Variants in CRLF3 observed in about 807,000 individuals in gnomAD.
The protein encoded by CRLF3 is cytokine receptor-like factor 3.
Under a neutral mutation model 55.0 loss-of-function variants are expected in CRLF3, and 33 were observed. The ratio of observed to expected loss-of-function variants is 0.60; its 90% CI spans 0.46 to 0.80. The LOEUF (loss-of-function observed/expected upper bound fraction) is 0.80. CRLF3 is among the 30% of genes least tolerant of loss of function. The probability of loss-of-function intolerance (pLI) is 0.00; values close to 1 mark genes in which losing one functional copy is unlikely to be tolerated. For missense variants in CRLF3, 494 were observed against 538.4 expected (o/e 0.92, Z 0.82); for synonymous variants, 238 against 196.8 (o/e 1.21, Z -1.75).
At chr17:30,815,191 T>A (rs138417530) in intron 1 of CRLF3, among the ~76,000 whole-genome samples, 1 of 148,212 alleles carries the variant, frequency 6.7e-6, no homozygotes, top group Non-Finnish European at 1.5e-5. Flanking sequence ...GTTCAAGCAA[T>A]TCTCCTGCCT....
intron 6 of CRLF3, among the ~76,000 whole-genome samples, chr17:30,788,785 T>A (rs1181032557): frequency 6.6e-6 from 1 of 151,540 alleles, no homozygotes; most frequent in Non-Finnish European, 1.5e-5. Context: ...TTTTTGTATT[T>A]ATAGTAGAGA....
chr17:30,802,363 G>A (rs1399611999), intron 2 of CRLF3, among the ~76,000 whole-genome samples: 4 of 151,848 alleles, frequency 2.6e-5, no homozygotes, highest in African/African-American at 4.8e-5. Flanking sequence ...CTGATGATCC[G>A]CCCACCTCCA....
At chr17:30,812,532 T>A (rs1468279407) in intron 1 of CRLF3, among the ~76,000 whole-genome samples, 1 of 152,162 alleles carries the variant, frequency 6.6e-6, no homozygotes, top group Non-Finnish European at 1.5e-5. Flanking sequence ...CACTTAAGAC[T>A]TTTTTAGAAA....
intron 1 of CRLF3, among the ~76,000 whole-genome samples, chr17:30,810,181 C>T (rs1904568677): frequency 6.6e-6 from 1 of 152,174 alleles, no homozygotes; most frequent in South Asian, 2.1e-4. Flanking sequence ...AAACAGGAAA[C>T]TGTAATATAC....
chr17:30,786,215 T>C (rs1971643664), intron 6 of CRLF3, 184 bp from the exon 7 acceptor site: 1 of 482,668 alleles, frequency 2.1e-6, no homozygotes, highest in African/African-American at 2.0e-5. Flanking sequence ...CTATCTATCA[T>C]TCTTACAACA....
At chr17:30,787,271 A>G (rs1971669775) in intron 6 of CRLF3, among the ~76,000 whole-genome samples, 1 of 152,242 alleles carries the variant, frequency 6.6e-6, no homozygotes, top group South Asian at 2.1e-4. Context: ...TAAATCTTCC[A>G]TATAAGAATT....
chr17:30,787,314 T>C (rs1392394517), intron 6 of CRLF3: 1 of 151,858 alleles, frequency 6.6e-6, no homozygotes, highest in Non-Finnish European at 1.5e-5. Flanking sequence ...GTTAAGTAAA[T>C]AAAGCATTTA....
In CRLF3 at chr17:30,789,185, A is replaced by G. The variant is rs568870114; in HGVS notation, c.960-3154T>C. Reference sequence around the variant, plus strand: ...TATTGAGTTTAACTGAATTTCAGTTAATCACCCTGCCAAGTGGGGCCTGGT... The same window carrying G: ...TATTGAGTTTAACTGAATTTCAGTTGATCACCCTGCCAAGTGGGGCCTGGT... On this transcript the variant is annotated intron_variant, in intron 6 of 7. Transcript: ENST00000324238. 2.6e-5 allele frequency among the ~76,000 whole-genome samples: 4 copies of G among 152,320 alleles called. No individual in the cohort carries two copies. The South Asian group carries it at 8.3e-4, about 32-fold the overall frequency.
rs578170423 is a variant in CRLF3 at position 30,788,889 on chromosome 17, A to T, written c.960-2858T>A. 9.9e-5 allele frequency among the ~76,000 whole-genome samples: 15 copies of T among 152,130 alleles called. No individual in the cohort carries two copies. In the East Asian group the frequency reaches 2.9e-3, roughly 29 times the overall value. On this transcript the variant is annotated intron_variant, in intron 6 of 7. Coordinates refer to ENST00000324238, the MANE Select transcript of CRLF3 (RefSeq NM_015986.4). ...CCAAAGTGCTGGGATTACAGGCGTGAGCCACCGTGCCCGGCTAACGTAGTG... is the reference window on the plus strand; with the variant it reads ...CCAAAGTGCTGGGATTACAGGCGTGTGCCACCGTGCCCGGCTAACGTAGTG...
chr17:30,788,789 G>C (rs1417723892), intron 6 of CRLF3, among the ~76,000 whole-genome samples: 1 of 151,520 alleles, frequency 6.6e-6, no homozygotes, highest in African/African-American at 2.4e-5. Context: ...TGTATTTATA[G>C]TAGAGATGGG....
intron 6 of CRLF3, among the ~76,000 whole-genome samples, chr17:30,791,236 A>AG (rs1013721372): frequency 6.6e-6 from 1 of 151,196 alleles, no homozygotes; most frequent in African/African-American, 2.4e-5. Context: ...ACATCCAGCT[A>AG]ATTTTTGTAT....
chr17:30,798,037 TAA>T (rs1185512076), intron 2 of CRLF3, among the ~76,000 whole-genome samples: 1 of 150,982 alleles, frequency 6.6e-6, no homozygotes, highest in African/African-American at 2.4e-5. Flanking sequence ...TATGTTTTCC[TAA>T]AAGAGTATCA....
At position 30,824,571 on chromosome 17, in the gene CRLF3, C is replaced by A. The variant is rs1376648821; in HGVS notation, c.81G>T (p.Arg27=). 6.2e-7 allele frequency: 1 copy of A among 1,603,840 alleles called. No individual in the cohort carries two copies. The highest frequency in any genetic ancestry group is 2.2e-5 in the East Asian group (1 of 44,630). Residue 27 remains arginine, a synonymous_variant, in exon 1 of 8, where the codon CGG becomes CGT. Coordinates refer to ENST00000324238, the MANE Select transcript of CRLF3 (RefSeq NM_015986.4). Reference sequence around the variant, plus strand: ...CCTCAAGCCGGTGACCCAGCTCCCGCCGGTAGCTCTGCGCTGCCTCCACGT... The same window carrying A: ...CCTCAAGCCGGTGACCCAGCTCCCGACGGTAGCTCTGCGCTGCCTCCACGT... The part of the protein sequence containing the change: ...RENVEAAQSY[R]RELGHRLEGL...
chr17:30,790,058 G>A (rs1035809705), intron 6 of CRLF3, among the ~76,000 whole-genome samples: 1 of 151,818 alleles, frequency 6.6e-6, no homozygotes, highest in Non-Finnish European at 1.5e-5. Flanking sequence ...TCTTCATTAA[G>A]GGGTGAGGTG....
chr17:30,796,307 C>A lies in CRLF3; in HGVS notation c.456G>T (p.Val152=). 2.5e-6 allele frequency: 4 copies of A among 1,613,732 alleles called. No individual in the cohort carries two copies. The highest frequency in any genetic ancestry group is 2.2e-5 in the South Asian group (2 of 91,014). Residue 152 remains valine (V), a synonymous_variant, in exon 4 of 8, where the codon GTG becomes GTT. Coordinates refer to ENST00000324238, the MANE Select transcript of CRLF3 (RefSeq NM_015986.4). ...SLPEVPLLVD[V]PCLSAQLDDS... is the part of the protein sequence containing the mutation. ...CATCCAACTGAGCAGATAAACAAGG[C>A]ACATCAACCAGTAAAGGTACTTCTG...
intron 4 of CRLF3, among the ~76,000 whole-genome samples, chr17:30,794,452 T>G (rs1403367269): frequency 6.6e-6 from 1 of 152,210 alleles, no homozygotes; most frequent in Non-Finnish European, 1.5e-5. Flanking sequence ...ATGTATATTA[T>G]GAATATTCAA....
At position 30,782,996 on chromosome 17, in the gene CRLF3, A is replaced by G. The variant is rs925280540; in HGVS notation, c.*1191T>C. Reference sequence around the variant, plus strand: ...ACATATTAAAGTCCTTCAAATAAATATTTTACACACAAATTTAAGTAAGTT... The same window carrying G: ...ACATATTAAAGTCCTTCAAATAAATGTTTTACACACAAATTTAAGTAAGTT... On this transcript the variant is annotated 3_prime_UTR_variant, in exon 8 of 8. Coordinates refer to ENST00000324238, the MANE Select transcript of CRLF3 (RefSeq NM_015986.4). 3 of 152,152 alleles carry G rather than the reference A, an allele frequency of 2.0e-5. No individual in the cohort carries two copies. Among genetic ancestry groups the G allele is most frequent in the African/African-American group, 4.8e-5 (2 of 41,432 alleles). The allele number at this position is 152,152 out of a possible 1,614,324, so 9.4% of individuals were successfully genotyped here.
At chr17:30,788,596 C>CT (rs1429494338) in intron 6 of CRLF3, among the ~76,000 whole-genome samples, 25 of 120,276 alleles carry the variant, frequency 2.1e-4, no homozygotes, top group African/African-American at 8.1e-4. Context: ...AAAGTAGTGC[C>CT]TTCTTTTTTT....
intron 1 of CRLF3, among the ~76,000 whole-genome samples, chr17:30,821,078 C>T (rs374162847): frequency 2.3e-4 from 33 of 146,352 alleles, no homozygotes; most frequent in African/African-American, 6.8e-4. Context: ...AGGCTGGGTG[C>T]GGTGGCTCAA....
Sources: allele counts gnomAD v4.1 joint callset (sites outside exome capture counted in the v4.1 genomes callset), GRCh38; gene constraint gnomAD v4.1.1; transcripts MANE v1.5; gene names NCBI Gene and HGNC (gene_info 2026-07-23, HGNC 2026-07-21).